The following GRIK1 variants were observed in gnomAD, a reference collection of about 807,000 sequenced individuals.
GRIK1 encodes glutamate ionotropic receptor kainate type subunit 1, also known as glutamate receptor ionotropic, kainate 1.
In GRIK1, 69 loss-of-function variants were observed where a neutral mutation model predicts 105.7. The ratio of observed to expected loss-of-function variants is 0.65; its 90% confidence interval spans 0.54 to 0.80. GRIK1 has a LOEUF of 0.80. Among genes scored for constraint, GRIK1 ranks in the 30% least tolerant of loss-of-function variants. The pLI is 0.00. For missense variants in GRIK1, 1,109 were observed against 1,167.3 expected (o/e 0.95, Z 0.73); for synonymous variants, 438 against 431.3 (o/e 1.02, Z -0.19).
At chr21:29,746,003 C>T (rs2065039537) in intron 1 of GRIK1, among the ~76,000 whole-genome samples, 1 of 152,054 alleles carries the variant, frequency 6.6e-6, no homozygotes, top group South Asian at 2.1e-4. Context: ...ACTCGGGAGG[C>T]TGAGGCAGGA....
At chr21:29,828,263 G>A (rs2145952560) in intron 1 of GRIK1, among the ~76,000 whole-genome samples, 1 of 152,092 alleles carries the variant, frequency 6.6e-6, no homozygotes, top group African/African-American at 2.4e-5. Context: ...AGGAGGCATG[G>A]TTTACTAGAA....
intron 1 of GRIK1, among the ~76,000 whole-genome samples, chr21:29,727,131 G>A (rs1034853382): frequency 5.3e-5 from 8 of 151,970 alleles, no homozygotes; most frequent in Admixed American, 5.3e-4. Context: ...TCATCATGTT[G>A]CCCAGGCTGG....
intron 7 of GRIK1, among the ~76,000 whole-genome samples, chr21:29,613,776 T>C (rs958357623): frequency 1.3e-5 from 2 of 152,238 alleles, no homozygotes; most frequent in Non-Finnish European, 2.9e-5. Context: ...ACAAACTGCA[T>C]ATTTGTTTAT....
At chr21:29,934,061 C>G (rs1444990996) in intron 1 of GRIK1, among the ~76,000 whole-genome samples, 1 of 151,954 alleles carries the variant, frequency 6.6e-6, no homozygotes, top group Non-Finnish European at 1.5e-5. Context: ...GAGAGATTAC[C>G]ACCACCGCCA....
At chr21:29,631,461 T>A (rs2154581) in intron 7 of GRIK1, among the ~76,000 whole-genome samples, 2 of 152,026 alleles carry the variant, frequency 1.3e-5, no homozygotes, top group African/African-American at 4.8e-5. Context: ...GGGCCCTCAC[T>A]GGAACTTGAC....
chr21:29,612,173 A>G (rs1291915639), intron 7 of GRIK1, among the ~76,000 whole-genome samples: 1 of 152,212 alleles, frequency 6.6e-6, no homozygotes, highest in East Asian at 1.9e-4. Context: ...TCTATTTGCC[A>G]TCAGGGTTTA....
chr21:29,541,575 C>CTTTT (rs34910439), intron 16 of GRIK1, among the ~76,000 whole-genome samples: 20 of 95,966 alleles, frequency 2.1e-4, no homozygotes, highest in African/African-American at 4.3e-4. Flanking sequence ...CACTCACGGT[C>CTTTT]TTTTTTTTTT....
intron 1 of GRIK1, chr21:29,861,572 T>A: frequency 4.8e-6 from 1 of 208,818 alleles, no homozygotes; most frequent in South Asian, 4.5e-5. Flanking sequence ...CCTCCCAAAG[T>A]GTGGGATTAT....
chr21:29,654,731 A>T, intron 5 of GRIK1, 79 bp downstream of exon 5: 1 of 836,992 alleles, frequency 1.2e-6, no homozygotes, highest in Non-Finnish European at 2.1e-6. Flanking sequence ...TGCCTTTGAC[A>T]CTGGTGAGGC....
At chr21:29,864,129 T>G (rs182360182) in intron 1 of GRIK1, among the ~76,000 whole-genome samples, 110 of 152,168 alleles carry the variant, frequency 7.2e-4, no homozygotes, top group Admixed American at 2.6e-3. Flanking sequence ...CAAGATGCCT[T>G]GGAGGTATAT....
At chr21:29,637,119 T>C (rs578046756) in intron 7 of GRIK1, among the ~76,000 whole-genome samples, 2 of 152,314 alleles carry the variant, frequency 1.3e-5, no homozygotes, top group African/African-American at 4.8e-5. Context: ...TGTGTTTGCA[T>C]TTTGGGGGAC....
intron 1 of GRIK1, among the ~76,000 whole-genome samples, chr21:29,846,736 C>T (rs1369170235): frequency 1.3e-5 from 2 of 152,140 alleles, no homozygotes; most frequent in East Asian, 1.9e-4. Context: ...TTTTTGTTAT[C>T]CTGTTTGATT....
At chr21:29,909,498 A>T (rs934101118) in intron 1 of GRIK1, among the ~76,000 whole-genome samples, 2 of 152,050 alleles carry the variant, frequency 1.3e-5, no homozygotes, top group South Asian at 4.1e-4. Flanking sequence ...ATAGAATGTT[A>T]CTAAAATATG....
chr21:29,814,934 A>G (rs1316101245), intron 1 of GRIK1, among the ~76,000 whole-genome samples: 1 of 152,106 alleles, frequency 6.6e-6, no homozygotes, highest in African/African-American at 2.4e-5. Flanking sequence ...CGCCTGTGCA[A>G]TCTTGACCTG....
chr21:29,902,273 C>T (rs919922135), intron 1 of GRIK1, among the ~76,000 whole-genome samples: 2 of 152,126 alleles, frequency 1.3e-5, no homozygotes, highest in African/African-American at 2.4e-5. Flanking sequence ...TCCTATTCAG[C>T]GTAGTATTGG....
intron 1 of GRIK1, among the ~76,000 whole-genome samples, chr21:29,874,942 A>G (rs1415674755): frequency 6.6e-6 from 1 of 151,538 alleles, no homozygotes; most frequent in Non-Finnish European, 1.5e-5. Flanking sequence ...TTTATTAAGA[A>G]TGCTTATGGT....
intron 5 of GRIK1, among the ~76,000 whole-genome samples, chr21:29,652,653 T>C (rs2062761634): frequency 6.6e-6 from 1 of 152,386 alleles, no homozygotes; most frequent in South Asian, 2.1e-4. Flanking sequence ...TTTTTTCTTA[T>C]ATGAAAAGAC....
At chr21:29,828,987 T>G (rs1201741388) in intron 1 of GRIK1, among the ~76,000 whole-genome samples, 2 of 152,258 alleles carry the variant, frequency 1.3e-5, no homozygotes, top group Non-Finnish European at 2.9e-5. Context: ...GTAATAGTCT[T>G]AAAAATCTGG....
chr21:29,684,629 TC>T (rs1401245715), intron 3 of GRIK1, among the ~76,000 whole-genome samples: 1 of 152,138 alleles, frequency 6.6e-6, no homozygotes, highest in African/African-American at 2.4e-5. Flanking sequence ...TGCCTCAGCC[TC>T]CCGAGTAGTT....
Sources: allele counts gnomAD v4.1 joint callset (sites outside exome capture counted in the v4.1 genomes callset), GRCh38; gene constraint gnomAD v4.1.1; transcripts MANE v1.5; gene names NCBI Gene and HGNC (gene_info 2026-07-23, HGNC 2026-07-21).